Variants in PCDH15 observed in about 807,000 individuals in gnomAD.
The protein encoded by PCDH15 is protocadherin-15.
In PCDH15, 129 loss-of-function variants were observed where a neutral mutation model predicts 178.5. The observed-to-expected ratio is 0.72, with a 90% CI of 0.63 to 0.84. The LOEUF (loss-of-function observed/expected upper bound fraction) is 0.84. PCDH15 is among the 40% of genes least tolerant of loss of function. The pLI is 0.00. For missense variants in PCDH15, 2,230 were observed against 2,099.9 expected (o/e 1.06, Z -1.21); for synonymous variants, 800 against 732.0 (o/e 1.09, Z -1.50).
intron 26 of PCDH15, among the ~76,000 whole-genome samples, chr10:53,888,070 G>T (rs904203146): frequency 6.6e-6 from 1 of 151,544 alleles, no homozygotes; most frequent in Non-Finnish European, 1.5e-5. Context: ...TTGTAAGAAA[G>T]AAGAGAATAT....
chr10:54,167,144 C>T (rs1381745420), intron 13 of PCDH15, among the ~76,000 whole-genome samples: 2 of 152,256 alleles, frequency 1.3e-5, no homozygotes, highest in South Asian at 2.1e-4. Context: ...TGCCGTGACT[C>T]GGATCGGGGG....
intron 1 of PCDH15, among the ~76,000 whole-genome samples, chr10:55,314,707 G>T (rs929668361): frequency 6.6e-6 from 1 of 151,964 alleles, no homozygotes; most frequent in Non-Finnish European, 1.5e-5. Flanking sequence ...TAGTAGAATT[G>T]TCTTCTTATT....
intron 3 of PCDH15, among the ~76,000 whole-genome samples, chr10:54,440,207 A>G (rs2075711679): frequency 6.6e-6 from 1 of 151,950 alleles, no homozygotes; most frequent in Non-Finnish European, 1.5e-5. Context: ...TAATGAACGG[A>G]GGTTTGTTAT....
chr10:55,218,975 A>C (rs2132181005), intron 1 of PCDH15, among the ~76,000 whole-genome samples: 1 of 152,210 alleles, frequency 6.6e-6, no homozygotes, highest in East Asian at 1.9e-4. Context: ...GGGTTTATAT[A>C]ATAAAATGAA....
chr10:55,482,972 T>C (rs886827431), intron 2 of PCDH15, among the ~76,000 whole-genome samples: 1 of 151,712 alleles, frequency 6.6e-6, no homozygotes, highest in African/African-American at 2.4e-5. Flanking sequence ...TGGCTAGCCA[T>C]ATGCAGAGCA....
intron 1 of PCDH15, among the ~76,000 whole-genome samples, chr10:55,178,105 C>T (rs1251960901): frequency 1.3e-5 from 2 of 152,168 alleles, no homozygotes; most frequent in Non-Finnish European, 2.9e-5. Flanking sequence ...GAGACTTCCT[C>T]ATAGCTAATT....
chr10:54,616,869 T>C (rs566013730), intron 2 of PCDH15, among the ~76,000 whole-genome samples: 1 of 152,190 alleles, frequency 6.6e-6, no homozygotes, highest in South Asian at 2.1e-4. Context: ...GCTTTTACAA[T>C]AAAATTAATA....
chr10:53,818,479 T>C (rs1049290044), intron 33 of PCDH15: 4 of 152,208 alleles, frequency 2.6e-5, no homozygotes, highest in African/African-American at 9.7e-5. Context: ...AATGATTGTA[T>C]GATATTTTCT....
chr10:54,772,243 G>A (rs1949175928), intron 1 of PCDH15, among the ~76,000 whole-genome samples: 1 of 151,960 alleles, frequency 6.6e-6, no homozygotes, highest in Non-Finnish European at 1.5e-5. Context: ...CAAAACTTAA[G>A]CAAGTTAATT....
At chr10:54,230,018 T>C (rs2134293989) in intron 9 of PCDH15, among the ~76,000 whole-genome samples, 1 of 152,338 alleles carries the variant, frequency 6.6e-6, no homozygotes, top group Admixed American at 6.5e-5. Context: ...TTGACCAGTA[T>C]ATGATAGTAG....
At chr10:54,035,812 C>T (rs2093403805) in intron 18 of PCDH15, among the ~76,000 whole-genome samples, 1 of 151,912 alleles carries the variant, frequency 6.6e-6, no homozygotes, top group Non-Finnish European at 1.5e-5. Flanking sequence ...AAAAACTTGG[C>T]CTCTTGTGCC....
chr10:54,166,338 T>A (rs1278927460), intron 13 of PCDH15, among the ~76,000 whole-genome samples: 1 of 152,336 alleles, frequency 6.6e-6, no homozygotes, highest in South Asian at 2.1e-4. Flanking sequence ...TATAGTCAAC[T>A]CCTTGAGGAT....
chr10:55,029,323 T>C (rs1840553330), intron 2 of PCDH15, among the ~76,000 whole-genome samples: 1 of 152,060 alleles, frequency 6.6e-6, no homozygotes, highest in South Asian at 2.1e-4. Flanking sequence ...TATACATATA[T>C]ATATGAATAT....
chr10:53,929,131 G>A (rs144095553), intron 25 of PCDH15, among the ~76,000 whole-genome samples: 183 of 152,074 alleles, frequency 1.2e-3, no homozygotes, highest in African/African-American at 3.9e-3. Flanking sequence ...CATCAGTTCA[G>A]CAAACCAATT....
intron 2 of PCDH15, among the ~76,000 whole-genome samples, chr10:55,613,017 A>ATT (rs34403286): frequency 0.019 from 1,555 of 82,370 alleles, 45 homozygotes; most frequent in African/African-American, 0.052. Flanking sequence ...TACTAGCCAG[A>ATT]TTTTTTTTTT....
intron 1 of PCDH15, among the ~76,000 whole-genome samples, chr10:54,754,605 A>G (rs1370550948): frequency 2.6e-5 from 4 of 152,170 alleles, no homozygotes; most frequent in African/African-American, 7.2e-5. Context: ...TGACACTGAT[A>G]TAAAGTACAT....
At chr10:54,474,231 T>C (rs560174007) in intron 3 of PCDH15, among the ~76,000 whole-genome samples, 2 of 151,932 alleles carry the variant, frequency 1.3e-5, no homozygotes, top group South Asian at 4.1e-4. Flanking sequence ...GCAATAAAAA[T>C]TAAGTTTAGA....
chr10:53,960,172 C>A (rs2088144499), intron 22 of PCDH15, among the ~76,000 whole-genome samples: 1 of 152,160 alleles, frequency 6.6e-6, no homozygotes, highest in Non-Finnish European at 1.5e-5. Context: ...AGACTCATTT[C>A]TATAATTCCA....
intron 2 of PCDH15, among the ~76,000 whole-genome samples, chr10:55,150,190 C>T (rs866306385): frequency 2.0e-5 from 3 of 151,968 alleles, no homozygotes; most frequent in Admixed American, 1.3e-4. Context: ...AACAGCCAAT[C>T]GGCCAACCTG....
Sources: allele counts gnomAD v4.1 joint callset (sites outside exome capture counted in the v4.1 genomes callset), GRCh38; gene constraint gnomAD v4.1.1; transcripts MANE v1.5; gene names NCBI Gene and HGNC (gene_info 2026-07-23, HGNC 2026-07-21).